The following PRMT7 variants were observed in gnomAD, a reference collection of about 807,000 sequenced individuals.
The protein encoded by PRMT7 is protein arginine methyltransferase 7.
In PRMT7, 75 loss-of-function variants were observed where a neutral mutation model predicts 85.4. The observed-to-expected ratio is 0.88, with a 90% CI of 0.73 to 1.06. The LOEUF (loss-of-function observed/expected upper bound fraction) is 1.06. Among genes scored for constraint, PRMT7 ranks in the 50% least tolerant of loss-of-function variants. The pLI is 0.00. For synonymous variants in PRMT7, 397 were observed against 359.5 expected (o/e 1.10, Z -1.18); for missense variants, 868 against 915.2 (o/e 0.95, Z 0.67).
At chr16:68,336,135 G>T (rs1055745913) in intron 6 of PRMT7, among the ~76,000 whole-genome samples, 1 of 152,212 alleles carries the variant, frequency 6.6e-6, no homozygotes, top group Admixed American at 6.5e-5. Flanking sequence ...CTTGTGCTCT[G>T]TGTAGGGGAA....
downstream of PRMT7, chr16:68,360,013 C>T (rs879400163): frequency 1.3e-5 from 2 of 152,842 alleles, no homozygotes; most frequent in East Asian, 3.8e-4. Flanking sequence ...TGGTGAGGGC[C>T]AGGCTGCTCT....
intron 11 of PRMT7, 21 bp downstream of exon 11, chr16:68,346,301 C>T: frequency 1.2e-6 from 2 of 1,612,452 alleles, no homozygotes; most frequent in Non-Finnish European, 1.7e-6. Flanking sequence ...AGCCCCTTGG[C>T]TTGTTGTGGG....
Position 68,339,363 on chromosome 16 carries a change from A to G in PRMT7, c.546A>G (p.Ala182=). The stretch of plus-strand genomic sequence containing the variant: ...TGCCCCACAGAGCCACCGTCTATGC[A>G]CAGCTGGTGGAGTCCGGGAGGATGT... ...EAVPHRATVY[A]QLVESGRMWS... Residue 182 remains alanine, a synonymous_variant, in exon 8 of 19, where the codon GCA becomes GCG. Transcript: ENST00000441236. The G allele has an allele frequency of 6.2e-7, 1 of 1,614,200 alleles. No individual in the cohort carries two copies. The highest frequency in any genetic ancestry group is 1.1e-5 in the South Asian group (1 of 91,082).
chr16:68,352,576 C>A (rs1283451308), intron 15 of PRMT7, 167 bp downstream of exon 15: 1 of 575,148 alleles, frequency 1.7e-6, no homozygotes, highest in Non-Finnish European at 2.8e-6. Flanking sequence ...AAGATGCTTG[C>A]CTTTTAAAAA....
intron 6 of PRMT7, among the ~76,000 whole-genome samples, chr16:68,331,564 C>G (rs959575495): frequency 1.3e-5 from 2 of 150,402 alleles, no homozygotes; most frequent in African/African-American, 2.5e-5. Context: ...ACCTCCTGGG[C>G]TCAAGCAGTC....
At chr16:68,315,742 C>G in intron 2 of PRMT7, 155 bp from the exon 3 acceptor site, 1 of 506,338 alleles carries the variant, frequency 2.0e-6, no homozygotes, top group South Asian at 2.1e-5. Flanking sequence ...TTAACAAATA[C>G]TATCAGTGGC....
intron 14 of PRMT7, among the ~76,000 whole-genome samples, chr16:68,350,238 A>G (rs1045295475): frequency 2.0e-5 from 3 of 152,170 alleles, no homozygotes; most frequent in African/African-American, 7.2e-5. Flanking sequence ...ACATGGATTC[A>G]CTGGTCTTAG....
intron 7 of PRMT7, 62 bp from the exon 8 acceptor site, chr16:68,339,259 TG>T: frequency 1.3e-6 from 2 of 1,598,326 alleles, no homozygotes; most frequent in Non-Finnish European, 1.7e-6. Context: ...TTTTGATCAA[TG>T]GGAATTACTG....
intron 17 of PRMT7, among the ~76,000 whole-genome samples, chr16:68,356,353 C>T (rs533554876): frequency 2.0e-5 from 3 of 152,348 alleles, no homozygotes; most frequent in South Asian, 2.1e-4. Context: ...GCAGGGCGGG[C>T]GCCATCACCT....
downstream of PRMT7, chr16:68,360,867 C>T (rs976719615): frequency 4.4e-5 from 11 of 252,406 alleles, no homozygotes; most frequent in Non-Finnish European, 8.4e-5. Flanking sequence ...GAACCCTGGA[C>T]GAAGCTTAAG....
At chr16:68,352,040 CCTTG>C in intron 14 of PRMT7, 1 of 555,730 alleles carries the variant, frequency 1.8e-6, no homozygotes, top group Non-Finnish European at 3.2e-6. Flanking sequence ...GTACAGAGCA[CCTTG>C]CTGCCTTGCT....
chr16:68,343,004 A>T (rs367913902), intron 9 of PRMT7, among the ~76,000 whole-genome samples: 1 of 152,178 alleles, frequency 6.6e-6, no homozygotes, highest in Non-Finnish European at 1.5e-5. Flanking sequence ...CAGGAGTTCA[A>T]GACCAGCCTG....
intron 9 of PRMT7, among the ~76,000 whole-genome samples, chr16:68,345,255 G>A (rs2086184444): frequency 6.6e-6 from 1 of 152,200 alleles, no homozygotes; most frequent in African/African-American, 2.4e-5. Flanking sequence ...GTACGTTAAA[G>A]CCTTTGGAAT....
In PRMT7 at chr16:68,339,562, A is replaced by G; in HGVS notation, c.745A>G (p.Ser249Gly). Residue 249 changes from serine (S) to glycine (G), a missense_variant and splice_region_variant, in exon 8 of 19, where the codon AGC (serine) becomes GGC (glycine). Transcript: ENST00000441236. ...CCTCAGCGATGTGCTGCCCATGTTC[A>G]GGTACCAAGGAGCCACCATAGGTGA... ...TVLSDVLPMF[S>G]IDFSKQVSSS... 1.2e-6 allele frequency: 2 copies of G among 1,612,970 alleles called. No homozygotes were observed. The highest frequency in any genetic ancestry group is 1.7e-6 in the Non-Finnish European group (2 of 1,179,530).
At chr16:68,329,278 G>A (rs1111571) in intron 6 of PRMT7, 104 bp downstream of exon 6, 616,228 of 832,440 alleles carry the variant, frequency 0.74, 229,636 homozygotes, top group African/African-American at 0.94. Context: ...TAGCATAGAA[G>A]TGGGACCTCT....
chr16:68,336,368 T>TA, intron 6 of PRMT7, among the ~76,000 whole-genome samples: 1 of 152,216 alleles, frequency 6.6e-6, no homozygotes, highest in South Asian at 2.1e-4. Context: ...AAACAACTGT[T>TA]ATTTAAGAGA....
intron 9 of PRMT7, among the ~76,000 whole-genome samples, chr16:68,343,965 C>T (rs2085931893): frequency 6.6e-6 from 1 of 152,128 alleles, no homozygotes; most frequent in African/African-American, 2.4e-5. Flanking sequence ...TTGAGCCAGG[C>T]ATCTCCTGTT....
In PRMT7 at chr16:68,319,590, TA is replaced by T. The variant is rs58594681; in HGVS notation, c.96-1820del. Among the ~76,000 whole-genome samples the T allele has an allele frequency of 7.2e-3, 975 of 135,700 alleles. 3 individuals are homozygous for T. Among genetic ancestry groups the T allele is most frequent in the African/African-American group, 7.5e-3 (279 of 37,100 alleles). The allele number at this position is 135,700 out of a possible 152,430, so 89.0% of individuals were successfully genotyped here. A position where few individuals can be genotyped will look rare whatever the true frequency, so the allele number is the denominator to read the frequency against. On this transcript the variant is annotated intron_variant, in intron 3 of 18. Transcript: ENST00000441236. The stretch of plus-strand genomic sequence containing the variant: ...CAGATATAAAACCTTGATGTGCCAT[TA>T]AAAAAAAAAAAAAAAGAACCCCCTT...
In PRMT7 at chr16:68,345,745, T is replaced by C. The variant is rs1282781416; in HGVS notation, c.998T>C (p.Leu333Pro). 1.9e-6 allele frequency: 3 copies of C among 1,614,096 alleles called. No homozygotes were observed. The highest frequency in any genetic ancestry group is 2.5e-6 in the Non-Finnish European group (3 of 1,180,028). ...GAGCCTGTGGTGCAGGGCTCAGCGC[T>C]CTATCTGGTAGCCCACCACGATGAC... ...QEEPVVQGSA[L>P]YLVAHHDDYC... Residue 333 changes from leucine (L) to proline (P), a missense_variant, in exon 10 of 19, where the codon CTC becomes CCC. Leu to Pro is a moderately conservative substitution (Grantham distance 98, BLOSUM62 -3). Transcript: ENST00000441236.
Sources: allele counts gnomAD v4.1 joint callset (sites outside exome capture counted in the v4.1 genomes callset), GRCh38; gene constraint gnomAD v4.1.1; transcripts MANE v1.5; gene names NCBI Gene and HGNC (gene_info 2026-07-23, HGNC 2026-07-21).